The following CACNG4 variants were observed in gnomAD, a reference collection of about 807,000 sequenced individuals.
CACNG4 encodes the protein voltage-dependent calcium channel gamma-4 subunit.
In CACNG4, 8 loss-of-function variants were observed where a neutral mutation model predicts 22.9. The ratio of observed to expected loss-of-function variants is 0.35; its 90% CI spans 0.21 to 0.63. The LOEUF is 0.63. Ranked by LOEUF, CACNG4 falls within the 30% of genes least tolerant of loss-of-function variation. The pLI, the probability that CACNG4 is intolerant of heterozygous loss-of-function variation, is 0.72. For missense variants in CACNG4, 357 were observed against 455.4 expected, an observed-to-expected ratio of 0.78 and a Z score of 1.97; for synonymous variants, 188 against 191.9, an observed-to-expected ratio of 0.98 and a Z score of 0.17.
chr17:66,992,874 C>G (rs2035349658), intron 1 of CACNG4, among the ~76,000 whole-genome samples: 1 of 152,238 alleles, frequency 6.6e-6, no homozygotes, highest in Admixed American at 6.5e-5. Context: ...CAGGACCCAA[C>G]AGAATCTGGA....
intron 1 of CACNG4, among the ~76,000 whole-genome samples, chr17:67,006,800 T>C (rs1598116474): frequency 1.3e-5 from 2 of 152,262 alleles, no homozygotes; most frequent in South Asian, 4.1e-4. Flanking sequence ...ATTGAGTGGG[T>C]GAACCTTGTC....
chr17:67,001,704 G>A (rs2035408853), intron 1 of CACNG4, among the ~76,000 whole-genome samples: 1 of 152,204 alleles, frequency 6.6e-6, no homozygotes, highest in African/African-American at 2.4e-5. Context: ...TCTACTAGAC[G>A]ACCAAGTCTG....
At chr17:66,970,027 G>A (rs77504945) in intron 1 of CACNG4, among the ~76,000 whole-genome samples, 2,047 of 152,220 alleles carry the variant, frequency 0.013, 21 homozygotes, top group Middle Eastern at 0.034. Context: ...GACCCCCTTC[G>A]CCCTTGGGTG....
At chr17:67,024,422 T>C (rs1179322496) in intron 2 of CACNG4, among the ~76,000 whole-genome samples, 4 of 152,218 alleles carry the variant, frequency 2.6e-5, no homozygotes, top group Non-Finnish European at 5.9e-5. Flanking sequence ...CTAATGCCGA[T>C]GCGTGTGCTC....
At chr17:66,995,038 G>A (rs73997309) in intron 1 of CACNG4, among the ~76,000 whole-genome samples, 12,504 of 152,028 alleles carry the variant, frequency 0.082, 724 homozygotes, top group East Asian at 0.23. Context: ...GTTTCCCCCC[G>A]GGCCAATTTC....
At chr17:67,013,756 G>C (rs2035480761) in intron 1 of CACNG4, among the ~76,000 whole-genome samples, 1 of 151,680 alleles carries the variant, frequency 6.6e-6, no homozygotes, top group African/African-American at 2.4e-5. Flanking sequence ...AGTGAGCCGA[G>C]TCCATGCCAT....
chr17:66,998,476 T>G (rs2035388380), intron 1 of CACNG4, among the ~76,000 whole-genome samples: 1 of 152,142 alleles, frequency 6.6e-6, no homozygotes, highest in Admixed American at 6.5e-5. Context: ...AGTGCTGGAA[T>G]TGCACCGCAC....
chr17:66,990,912 C>T (rs964641635), intron 1 of CACNG4, among the ~76,000 whole-genome samples: 1 of 151,970 alleles, frequency 6.6e-6, no homozygotes, highest in Non-Finnish European at 1.5e-5. Context: ...GATCTCCTGA[C>T]CTCGTGATCC....
chr17:67,015,469 G>A (rs573058193), intron 1 of CACNG4, among the ~76,000 whole-genome samples: 4 of 152,294 alleles, frequency 2.6e-5, no homozygotes, highest in East Asian at 1.9e-4. Flanking sequence ...CAATGTCAGC[G>A]TCCTGGTTGT....
chr17:67,002,256 C>T (rs1355319519), intron 1 of CACNG4, among the ~76,000 whole-genome samples: 1 of 152,178 alleles, frequency 6.6e-6, no homozygotes, highest in African/African-American at 2.4e-5. Flanking sequence ...ACCATCAGAT[C>T]TAATAGACTT....
intron 1 of CACNG4, 93 bp downstream of exon 1, chr17:66,965,224 A>ACG: frequency 6.5e-6 from 4 of 618,916 alleles, no homozygotes; most frequent in Admixed American, 3.6e-5. Context: ...ACACACACAC[A>ACG]CGCGCACACA....
intron 2 of CACNG4, among the ~76,000 whole-genome samples, chr17:67,023,796 C>T (rs983402254): frequency 1.4e-4 from 21 of 151,958 alleles, no homozygotes; most frequent in Non-Finnish European, 2.5e-4. Context: ...AGGCTGGTCT[C>T]GAACTCCTGA....
chr17:67,030,744 C>T lies in CACNG4; in HGVS notation c.724C>T (p.Arg242Cys), dbSNP rs375347933. 5.6e-6 allele frequency: 9 copies of T among 1,614,222 alleles called. No homozygotes were observed. The highest frequency in any genetic ancestry group is 7.6e-6 in the Non-Finnish European group (9 of 1,180,044). The change falls in exon 4 of 4, where the codon CGC becomes TGC. Residue 242 changes from arginine (R) to cysteine (C), a missense_variant. By Grantham distance (180) the Arg-to-Cys change is radical (BLOSUM62 -3). Around this residue, in one of 3 missense-constraint regions of CACNG4, gnomAD observed 240 missense variants for 277.6 expected, o/e 0.86. Coordinates refer to ENST00000262138, the MANE Select transcript of CACNG4 (RefSeq NM_014405.4). This position sits in a 1 kb window ranked among gnomAD's most constrained non-coding sequence, Gnocchi z 6.4. ...GCCGAGCTACAGGTACCGGCGACGG[C>T]GCTCGAGGTCCAGCTCAAGGTCCAC... ...RMPSYRYRRR[R>C]SRSSSRSTEA...
chr17:67,003,632 C>T (rs1341196240), intron 1 of CACNG4, among the ~76,000 whole-genome samples: 23 of 152,094 alleles, frequency 1.5e-4, no homozygotes, highest in Admixed American at 1.5e-3. Context: ...GAATGTTTAG[C>T]ACATCCCTGG....
At chr17:66,978,810 T>C (rs773251235) in intron 1 of CACNG4, among the ~76,000 whole-genome samples, 2 of 152,238 alleles carry the variant, frequency 1.3e-5, no homozygotes, top group African/African-American at 4.8e-5. Context: ...TTTCCTGATA[T>C]CCAACTCCTC....
chr17:66,985,919 T>C (rs1464769771), intron 1 of CACNG4, among the ~76,000 whole-genome samples: 1 of 150,806 alleles, frequency 6.6e-6, no homozygotes, highest in Non-Finnish European at 1.5e-5. Context: ...TTTAGGAAGA[T>C]GAACACAAGT....
chr17:67,012,151 G>A (rs1302613458), intron 1 of CACNG4, among the ~76,000 whole-genome samples: 2 of 152,166 alleles, frequency 1.3e-5, no homozygotes, highest in African/African-American at 4.8e-5. Flanking sequence ...TCAAGAGGCT[G>A]GATTCCAGGG....
Position 67,031,826 on chromosome 17 carries a change from C to T in CACNG4, c.*822C>T, listed in dbSNP as rs185149010. 1,704 of 456,682 alleles carry T rather than the reference C, an allele frequency of 3.7e-3. 23 individuals carry two copies. Among genetic ancestry groups the T allele is most frequent in the Middle Eastern group, 0.037 (114 of 3,076 alleles). The allele number at this position is 456,682 out of a possible 1,614,324, so 28.3% of individuals were successfully genotyped here. A position where few individuals can be genotyped will look rare whatever the true frequency, so the allele number is the denominator to read the frequency against. On this transcript the variant is annotated 3_prime_UTR_variant, in exon 4 of 4. Transcript: ENST00000262138. This position sits in a 1 kb window ranked among gnomAD's most constrained non-coding sequence, Gnocchi z 4.0. ...GGCGGCCACGTGACCTCTTGCCGTG[C>T]CCCTTGTCATAGACCCAAGGAGCAA...
chr17:66,969,382 C>T (rs1348393640), intron 1 of CACNG4, among the ~76,000 whole-genome samples: 2 of 152,234 alleles, frequency 1.3e-5, no homozygotes, highest in African/African-American at 4.8e-5. Context: ...CTCCAGCATG[C>T]CCACAGCTCT....
Sources: allele counts gnomAD v4.1 joint callset (sites outside exome capture counted in the v4.1 genomes callset), GRCh38; gene constraint gnomAD v4.1.1; regional missense constraint gnomAD v4.1.1; non-coding constraint Gnocchi (gnomAD v3.1); transcripts MANE v1.5; gene names NCBI Gene and HGNC (gene_info 2026-07-23, HGNC 2026-07-21).